Variants in ZNF83 observed in about 807,000 individuals in gnomAD.
ZNF83 encodes the protein zinc finger protein 816B.
For missense variants in ZNF83, 552 were observed against 629.9 expected (o/e 0.88, Z 1.32); for synonymous variants, 209 against 213.0 (o/e 0.98, Z 0.17).
intron 2 of ZNF83, among the ~76,000 whole-genome samples, chr19:52,628,982 C>T (rs1568544239): frequency 6.6e-6 from 1 of 151,832 alleles, no homozygotes; most frequent in Admixed American, 6.6e-5. Flanking sequence ...AAACCCCTTC[C>T]CTCCGTGTCT....
In ZNF83 at chr19:52,668,425, C is replaced by T. The variant is rs188510857; in HGVS notation, c.-282-7582G>A. ...TCCTTTCCTTTCCCAGTGCTTATATCCATTACTATTCCTACCACTAGCAAC... is the reference window on the plus strand; with the variant it reads ...TCCTTTCCTTTCCCAGTGCTTATATTCATTACTATTCCTACCACTAGCAAC... On this transcript the variant is annotated intron_variant, in intron 1 of 5. Transcript: ENST00000594682. Among the ~76,000 whole-genome samples, 421 of 152,274 alleles carry T rather than the reference C, an allele frequency of 2.8e-3. 3 individuals are homozygous for T. The highest frequency in any genetic ancestry group is 4.0e-3 in the Non-Finnish European group (270 of 68,024).
exon 3 of ZNF83, chr19:52,612,754 C>G: frequency 2.1e-6 from 1 of 479,638 alleles, no homozygotes; most frequent in Non-Finnish European, 3.7e-6. Context: ...GCCAGAAGAC[C>G]TTGCCACATT....
chr19:52,664,231 C>T (rs534498381), intron 1 of ZNF83, among the ~76,000 whole-genome samples: 4 of 149,760 alleles, frequency 2.7e-5, no homozygotes, highest in Admixed American at 2.7e-4. Context: ...TGTGGTGGCT[C>T]ATGCCTGTAA....
intron 2 of ZNF83, among the ~76,000 whole-genome samples, chr19:52,623,884 C>A (rs2060637708): frequency 2.0e-5 from 3 of 152,276 alleles, no homozygotes; most frequent in East Asian, 1.9e-4. Flanking sequence ...CCTTTTAAAC[C>A]AAATTGTTTT....
At chr19:52,652,726 T>A in intron 3 of ZNF83, 1 of 705,292 alleles carries the variant, frequency 1.4e-6, no homozygotes, top group Non-Finnish European at 2.5e-6. Context: ...ATTACATTTG[T>A]AAAGTTTCCC....
chr19:52,687,557 AAT>A (rs2062052883), intron 1 of ZNF83, among the ~76,000 whole-genome samples: 2 of 41,758 alleles, frequency 4.8e-5, no homozygotes, highest in African/African-American at 2.3e-4. Context: ...TATATGTGTA[AAT>A]TTTATATATA....
intron 3 of ZNF83, chr19:52,652,115 TG>T: frequency 4.2e-6 from 1 of 237,348 alleles, no homozygotes; most frequent in Non-Finnish European, 8.3e-6. Flanking sequence ...ATAGATTCCC[TG>T]ATGTCTAATG....
intron 1 of ZNF83, among the ~76,000 whole-genome samples, chr19:52,663,049 G>A (rs1324709089): frequency 6.6e-6 from 1 of 152,074 alleles, no homozygotes; most frequent in Non-Finnish European, 1.5e-5. Flanking sequence ...TGTGGTCCCA[G>A]CTATTTGGGA....
intron 1 of ZNF83, among the ~76,000 whole-genome samples, chr19:52,666,438 C>G (rs1009079323): frequency 6.6e-6 from 1 of 152,052 alleles, no homozygotes; most frequent in African/African-American, 2.4e-5. Context: ...CCTGAAAGCA[C>G]TGAGGCCACT....
At chr19:52,644,218 T>G (rs753236151) in intron 3 of ZNF83, among the ~76,000 whole-genome samples, 4 of 151,706 alleles carry the variant, frequency 2.6e-5, no homozygotes, top group East Asian at 1.9e-4. Flanking sequence ...GCATCCCATT[T>G]AAAATTCTAA....
chr19:52,613,861 C>A (rs1366424092), exon 3 of ZNF83: 1 of 1,614,164 alleles, frequency 6.2e-7, no homozygotes, highest in Non-Finnish European at 8.5e-7. Context: ...ACATTTGTTA[C>A]ATTCGTAAGG....
rs764125830 is a variant in ZNF83 at position 52,648,464 on chromosome 19, G to A, written c.-74+7097C>T. On this transcript the variant is annotated intron_variant, in intron 3 of 5. Transcript: ENST00000594682. The stretch of plus-strand genomic sequence containing the variant: ...AACAAAGTGAAGGAAAAAAAAAAGA[G>A]AGAGAGAGAGAAAGACAAATTCTTC... Among the ~76,000 whole-genome samples the A allele has an allele frequency of 4.9e-3, 740 of 152,226 alleles. 6 individuals are homozygous for A. The highest frequency in any genetic ancestry group is 7.9e-3 in the Non-Finnish European group (535 of 67,992).
At position 52,687,616 on chromosome 19, in the gene ZNF83, G is replaced by GTATATATATATATAATGTATATATA. The variant is rs2062062596; in HGVS notation, c.-283+2802_-283+2826dup. On this transcript the variant is annotated intron_variant, in intron 1 of 5. Coordinates refer to the ZNF83 transcript ENST00000594682. ...TATATAATGTATATATATATAATGTGTATATATATATATAATGTATATATA... is the reference window on the plus strand; with the variant it reads ...TATATAATGTATATATATATAATGTGTATATATATATATAATGTATATATATATATATATATATAATGTATATATA... Among the ~76,000 whole-genome samples the GTATATATATATATAATGTATATATA allele has an allele frequency of 5.7e-4, 9 of 15,824 alleles. 2 individuals carry two copies. The highest frequency in any genetic ancestry group is 2.7e-3 in the East Asian group (2 of 750). 10.4% of individuals were successfully genotyped at this position (15,824 alleles called of 152,430 possible).
At position 52,637,282 on chromosome 19, in the gene ZNF83, AC is replaced by A. The variant is rs2061181518; in HGVS notation, c.-322+1029del. 2.6e-5 allele frequency among the ~76,000 whole-genome samples: 4 copies of A among 151,360 alleles called. No individual in the cohort carries two copies. The South Asian group carries it at 8.4e-4, about 32-fold the overall frequency. On this transcript the variant is annotated intron_variant, in intron 1 of 2. Transcript: ENST00000301096. Reference sequence around the variant, plus strand: ...TGTTAAATTCCGTCTTCCCTGTTATACCCCCTGTCCCCAATATGTGGAACCA... The same window carrying A: ...TGTTAAATTCCGTCTTCCCTGTTATACCCCTGTCCCCAATATGTGGAACCA...
chr19:52,651,599 C>T (rs2061440943), intron 3 of ZNF83: 2 of 147,864 alleles, frequency 1.4e-5, no homozygotes, highest in South Asian at 2.1e-4. Flanking sequence ...AAGAGAATTG[C>T]TTGAATGCAG....
At chr19:52,654,074 C>T in intron 3 of ZNF83, 5 of 1,597,308 alleles carry the variant, frequency 3.1e-6, no homozygotes, top group Non-Finnish European at 3.4e-6. Flanking sequence ...TCAATTTTCC[C>T]TTCAGTCTGA....
At chr19:52,679,098 G>A (rs1295175694) in intron 1 of ZNF83, among the ~76,000 whole-genome samples, 1 of 152,152 alleles carries the variant, frequency 6.6e-6, no homozygotes, top group Admixed American at 6.5e-5. Context: ...TTGAACAAAG[G>A]TTTTCTTGTT....
At chr19:52,631,315 T>C (rs891581436) in intron 2 of ZNF83, among the ~76,000 whole-genome samples, 1 of 152,110 alleles carries the variant, frequency 6.6e-6, no homozygotes, top group African/African-American at 2.4e-5. Context: ...CTAGGCATAG[T>C]TAGTGTGGTC....
At chr19:52,675,201 C>A (rs893578782) in intron 1 of ZNF83, among the ~76,000 whole-genome samples, 1 of 152,130 alleles carries the variant, frequency 6.6e-6, no homozygotes, top group Non-Finnish European at 1.5e-5. Context: ...AACCTGGGGG[C>A]AAATTAACAT....
Sources: allele counts gnomAD v4.1 joint callset (sites outside exome capture counted in the v4.1 genomes callset), GRCh38; gene constraint gnomAD v4.1.1; transcripts MANE v1.5; gene names NCBI Gene and HGNC (gene_info 2026-07-23, HGNC 2026-07-21).